The following RAD50 variants were observed in gnomAD, a reference collection of about 807,000 sequenced individuals.
RAD50 encodes the protein DNA repair protein RAD50.
In RAD50, 132 loss-of-function variants were observed where a neutral mutation model predicts 168.8. That is an observed-to-expected ratio of 0.78 (90% CI 0.68 to 0.90). The LOEUF is 0.90. Ranked by LOEUF, RAD50 falls within the 40% of genes least tolerant of loss-of-function variation. RAD50 has a pLI of 0.00. For missense variants in RAD50, 1,347 were observed against 1,534.4 expected (o/e 0.88, Z 2.04); for synonymous variants, 525 against 497.4 (o/e 1.06, Z -0.74).
Position 132,579,499 on chromosome 5 carries a change from C to T in RAD50, c.548C>T (p.Thr183Ile), listed in dbSNP as rs1554097784. ...AAGTTTGATGAGATTTTTTCAGCAA[C>T]AAGGTTTGTAACCCTTAAATAGACT... is the stretch of plus-strand genomic sequence containing the variant. ...KQKFDEIFSA[T>I]RYIKALETLR... The change falls in exon 4 of 25, where the codon ACA becomes ATA. Residue 183 changes from threonine (T) to isoleucine (I), a missense_variant. Thr to Ile is a moderately conservative substitution (Grantham distance 89, BLOSUM62 -1). Around this residue, in one of 3 missense-constraint regions of RAD50, gnomAD observed 703 missense variants for 767.7 expected, o/e 0.92. Coordinates refer to ENST00000378823, the MANE Select transcript of RAD50 (RefSeq NM_005732.4). 1 of 1,611,418 alleles carries T rather than the reference C, an allele frequency of 6.2e-7. No homozygotes were observed. Among genetic ancestry groups the T allele is most frequent in the Admixed American group, 1.7e-5 (1 of 59,996 alleles).
chr5:132,572,079 GA>G (rs1750316665), intron 2 of RAD50, among the ~76,000 whole-genome samples: 1 of 151,588 alleles, frequency 6.6e-6, no homozygotes, highest in South Asian at 2.1e-4. Context: ...TGTAGAAAAA[GA>G]AAAAAACAAT....
chr5:132,579,686 C>G (rs1444322625), intron 4 of RAD50, 176 bp from the exon 5 acceptor site: 2 of 821,498 alleles, frequency 2.4e-6, no homozygotes, highest in South Asian at 3.4e-5. Flanking sequence ...TATTTATTTA[C>G]CTGATTGACA....
intron 2 of RAD50, among the ~76,000 whole-genome samples, chr5:132,563,441 A>T (rs1377054246): frequency 2.0e-5 from 3 of 152,242 alleles, no homozygotes; most frequent in Admixed American, 2.0e-4. Context: ...TCTCAAATGA[A>T]AAAAGAAATG....
intron 9 of RAD50, 55 bp downstream of exon 9, chr5:132,589,892 A>G: frequency 1.4e-6 from 2 of 1,457,988 alleles, no homozygotes; most frequent in East Asian, 5.0e-5. Context: ...TTTTAGAAGT[A>G]TTTTGTCTAT....
chr5:132,624,776 T>C (rs1314655131), intron 21 of RAD50, among the ~76,000 whole-genome samples: 2 of 150,088 alleles, frequency 1.3e-5, no homozygotes, highest in Non-Finnish European at 2.9e-5. Context: ...AGCACACACC[T>C]GTAATCCCAG....
At chr5:132,582,261 G>T (rs1750517275) in intron 5 of RAD50, among the ~76,000 whole-genome samples, 1 of 152,142 alleles carries the variant, frequency 6.6e-6, no homozygotes. Context: ...CAGAGGTTGA[G>T]GTATTTATTT....
intron 23 of RAD50, among the ~76,000 whole-genome samples, chr5:132,640,151 G>A (rs1751686074): frequency 1.3e-5 from 2 of 152,108 alleles, no homozygotes; most frequent in South Asian, 4.1e-4. Flanking sequence ...CTATACTCCT[G>A]ATACTTTGAC....
intron 3 of RAD50, among the ~76,000 whole-genome samples, chr5:132,577,012 C>T (rs1210712465): frequency 1.3e-5 from 2 of 152,204 alleles, no homozygotes; most frequent in African/African-American, 4.8e-5. Context: ...AAACCACAAA[C>T]TTAGTGCTAT....
chr5:132,595,920 C>G (rs1750785020), intron 13 of RAD50, 110 bp downstream of exon 13: 1 of 944,188 alleles, frequency 1.1e-6, no homozygotes, highest in African/African-American at 1.6e-5. Flanking sequence ...AGCTGGTATG[C>G]CCTGTCTTAT....
chr5:132,636,117 G>A (rs2149862219), intron 21 of RAD50, among the ~76,000 whole-genome samples: 1 of 152,324 alleles, frequency 6.6e-6, no homozygotes, highest in Middle Eastern at 3.4e-3. Context: ...GCAAATGGAA[G>A]TAAGTCGCCT....
intron 16 of RAD50, 152 bp from the exon 17 acceptor site, chr5:132,608,463 G>C: frequency 1.7e-6 from 1 of 575,266 alleles, no homozygotes; most frequent in Non-Finnish European, 3.0e-6. Flanking sequence ...TGAAAATGAT[G>C]GTACTGTCCT....
rs184355218 is a variant in RAD50 at position 132,612,606 on chromosome 5, G to A, written c.3036+3210G>A. Reference sequence around the variant, plus strand: ...TCCTAGCACTTTGGGAGGCCGAGGCGGGCAGATTGCTTGAGCCTGGGAGTT... The same window carrying A: ...TCCTAGCACTTTGGGAGGCCGAGGCAGGCAGATTGCTTGAGCCTGGGAGTT... On this transcript the variant is annotated intron_variant, in intron 19 of 24. Transcript: ENST00000378823. Among the ~76,000 whole-genome samples the A allele has an allele frequency of 8.6e-4, 131 of 152,190 alleles. 1 individual carries two copies. Among genetic ancestry groups the A allele is most frequent in the Non-Finnish European group, 1.3e-3 (85 of 67,998 alleles).
intron 21 of RAD50, among the ~76,000 whole-genome samples, chr5:132,635,368 C>T (rs536603229): frequency 2.6e-5 from 4 of 152,310 alleles, no homozygotes; most frequent in South Asian, 4.1e-4. Flanking sequence ...ATTACTGTAG[C>T]GACCTTAGTC....
chr5:132,589,589 T>C, intron 8 of RAD50, 42 bp from the exon 9 acceptor site: 1 of 1,445,910 alleles, frequency 6.9e-7, no homozygotes, highest in Non-Finnish European at 9.4e-7. Context: ...ACTTAAATTG[T>C]TTAGTAAATT....
chr5:132,597,971 A>G (rs2149845122), intron 13 of RAD50, among the ~76,000 whole-genome samples: 1 of 152,300 alleles, frequency 6.6e-6, no homozygotes, highest in Non-Finnish European at 1.5e-5. Context: ...ATATGAGCTT[A>G]GTTCTGTGTT....
intron 21 of RAD50, among the ~76,000 whole-genome samples, chr5:132,623,440 C>T (rs1283207589): frequency 6.6e-6 from 1 of 152,148 alleles, no homozygotes; most frequent in Non-Finnish European, 1.5e-5. Context: ...AAGATTGCAC[C>T]ACTGCACTCC....
intron 21 of RAD50, among the ~76,000 whole-genome samples, chr5:132,624,329 A>G (rs1233545101): frequency 6.6e-6 from 1 of 152,202 alleles, no homozygotes; most frequent in East Asian, 1.9e-4. Flanking sequence ...AGCAAAACTT[A>G]AGGAATTCTT....
rs1269936262 is a variant in RAD50, at chr5:132,645,131, T to A, written c.*2767T>A. 6.6e-6 allele frequency: 1 copy of A among 152,190 alleles called. No homozygotes were observed. The highest frequency in any genetic ancestry group is 1.5e-5 in the Non-Finnish European group (1 of 68,074). The allele number at this position is 152,190 out of a possible 1,614,324, so 9.4% of individuals were successfully genotyped here. Reference sequence around the variant, plus strand: ...ACAATAACTGCACCCCTCCAAAATCTCAGTTTTAAGCATCTCACTCTCCAA... The same window carrying A: ...ACAATAACTGCACCCCTCCAAAATCACAGTTTTAAGCATCTCACTCTCCAA... On this transcript the variant is annotated 3_prime_UTR_variant, in exon 25 of 25. Transcript: ENST00000378823.
intron 2 of RAD50, among the ~76,000 whole-genome samples, chr5:132,573,388 T>TATA (rs1458182153): frequency 6.6e-6 from 1 of 152,098 alleles, no homozygotes; most frequent in African/African-American, 2.4e-5. Context: ...AATTCCCCCT[T>TATA]ATAATGACCA....
Sources: gnomAD v4.1 joint callset for allele counts (sites outside exome capture counted in the v4.1 genomes callset) on GRCh38, gnomAD v4.1.1 for gene constraint, gnomAD v4.1.1 regional missense constraint, MANE v1.5 for transcripts, NCBI Gene and HGNC (gene_info 2026-07-23, HGNC 2026-07-21) for gene names.